Variants in MACROD2 observed in about 807,000 individuals in gnomAD.
MACROD2 encodes ADP-ribose glycohydrolase MACROD2.
In MACROD2, 36 loss-of-function variants were observed where a neutral mutation model predicts 70.4. The observed-to-expected ratio is 0.51, with a 90% CI of 0.39 to 0.68. MACROD2 has a LOEUF of 0.68. MACROD2 is among the 30% of genes least tolerant of loss of function. MACROD2 has a pLI of 0.00. For synonymous variants in MACROD2, 172 were observed against 178.8 expected, an observed-to-expected ratio of 0.96 and a Z score of 0.30; for missense variants, 496 against 538.4, an observed-to-expected ratio of 0.92 and a Z score of 0.78.
chr20:14,443,299 C>CT (rs34612697), intron 3 of MACROD2, among the ~76,000 whole-genome samples: 4,127 of 136,030 alleles, frequency 0.03, 182 homozygotes, highest in African/African-American at 0.094. Context: ...ATTACCTATG[C>CT]TTTTTTTTTT....
chr20:15,458,176 A>G (rs1475053765), intron 7 of MACROD2, among the ~76,000 whole-genome samples: 1 of 152,170 alleles, frequency 6.6e-6, no homozygotes, highest in African/African-American at 2.4e-5. Flanking sequence ...AGCATTTCCA[A>G]AGATGTTTTG....
chr20:14,668,777 TC>T (rs951705220), intron 4 of MACROD2, among the ~76,000 whole-genome samples: 3 of 152,168 alleles, frequency 2.0e-5, no homozygotes, highest in African/African-American at 7.2e-5. Context: ...GAGTTTTTTT[TC>T]ATGCACATTT....
In MACROD2 at chr20:15,407,582, G is replaced by A. The variant is rs529215448; in HGVS notation, c.541-23823G>A. ...GGTGGGTAGAGAGGCAGCCTAGCACGGTGCTTAAGAGGACATGCTCTAGAG... is the reference window on the plus strand; with the variant it reads ...GGTGGGTAGAGAGGCAGCCTAGCACAGTGCTTAAGAGGACATGCTCTAGAG... On this transcript the variant is annotated intron_variant, in intron 6 of 17. Transcript: ENST00000684519. 1.1e-4 allele frequency among the ~76,000 whole-genome samples: 16 copies of A among 152,228 alleles called. No individual in the cohort carries two copies. The East Asian group carries it at 1.4e-3, about 13-fold the overall frequency.
At chr20:15,234,300 G>C (rs895453685) in intron 6 of MACROD2, among the ~76,000 whole-genome samples, 1 of 150,984 alleles carries the variant, frequency 6.6e-6, no homozygotes, top group Admixed American at 6.6e-5. Context: ...CCAAAGTGCT[G>C]GGATTACAAG....
chr20:15,063,695 C>T (rs888516388), intron 5 of MACROD2, among the ~76,000 whole-genome samples: 2 of 152,124 alleles, frequency 1.3e-5, no homozygotes, highest in Non-Finnish European at 2.9e-5. Context: ...TGTGTATACT[C>T]ACCATGTGTG....
chr20:15,414,112 C>G (rs931203076), intron 6 of MACROD2, among the ~76,000 whole-genome samples: 21 of 152,102 alleles, frequency 1.4e-4, no homozygotes, highest in African/African-American at 5.1e-4. Flanking sequence ...AAGTGCATTT[C>G]TTTCACTTTT....
At chr20:14,862,138 A>ATATATTATACATAAATATATAAATG in intron 5 of MACROD2, among the ~76,000 whole-genome samples, 2 of 43,920 alleles carry the variant, frequency 4.6e-5, no homozygotes, top group African/African-American at 8.9e-5. Flanking sequence ...ATATATAAAT[A>ATATATTATACATAAATATATAAATG]TATATTATAC....
Position 15,501,850 on chromosome 20 carries a change from C to T in MACROD2, c.645+2003C>T, listed in dbSNP as rs541165174. Among the ~76,000 whole-genome samples, 5 of 152,022 alleles carry T rather than the reference C, an allele frequency of 3.3e-5. No homozygotes were observed. The South Asian group carries it at 6.2e-4, about 19-fold the overall frequency. On this transcript the variant is annotated intron_variant, in intron 8 of 17. Coordinates refer to ENST00000684519, the MANE Select transcript of MACROD2 (RefSeq NM_001351661.2). ...TAGCAGTATTTTGATTTATTTTTTC[C>T]TCTGTTAAAACAAACAACAGACTAG...
intron 5 of MACROD2, among the ~76,000 whole-genome samples, chr20:14,836,612 TC>T (rs776459555): frequency 1.3e-5 from 2 of 152,052 alleles, no homozygotes; most frequent in Non-Finnish European, 2.9e-5. Context: ...ATGAATGTTA[TC>T]CATAGGTTGC....
intron 6 of MACROD2, among the ~76,000 whole-genome samples, chr20:15,412,239 G>A (rs1038891497): frequency 6.6e-6 from 1 of 152,110 alleles, no homozygotes; most frequent in Non-Finnish European, 1.5e-5. Context: ...TGAGACACAT[G>A]AGGATCTGTG....
intron 15 of MACROD2, among the ~76,000 whole-genome samples, chr20:16,039,528 AT>A (rs1157812203): frequency 6.6e-6 from 1 of 151,682 alleles, no homozygotes; most frequent in Non-Finnish European, 1.5e-5. Flanking sequence ...TTCTTTTGGT[AT>A]TTTTTCCATT....
intron 3 of MACROD2, among the ~76,000 whole-genome samples, chr20:14,191,676 C>T (rs542527081): frequency 2.0e-4 from 30 of 152,298 alleles, no homozygotes; most frequent in Admixed American, 1.8e-3. Flanking sequence ...GGCACTTGAG[C>T]AGGGACCTGG....
At chr20:15,972,564 C>T (rs186312775) in intron 13 of MACROD2, among the ~76,000 whole-genome samples, 1 of 152,294 alleles carries the variant, frequency 6.6e-6, no homozygotes, top group Non-Finnish European at 1.5e-5. Context: ...AATCCCAGCA[C>T]TTTGGAAGGC....
intron 5 of MACROD2, among the ~76,000 whole-genome samples, chr20:14,689,523 G>A (rs1247777149): frequency 6.6e-6 from 1 of 152,182 alleles, no homozygotes; most frequent in Non-Finnish European, 1.5e-5. Flanking sequence ...AGACTCATTA[G>A]CCTGATTACC....
intron 4 of MACROD2, among the ~76,000 whole-genome samples, chr20:14,626,560 G>A (rs1253675018): frequency 1.3e-5 from 2 of 152,016 alleles, no homozygotes; most frequent in African/African-American, 4.8e-5. Flanking sequence ...TAGAATTCCT[G>A]GTTCTAACAC....
chr20:14,338,777 A>C (rs2082980388), intron 3 of MACROD2, among the ~76,000 whole-genome samples: 1 of 152,142 alleles, frequency 6.6e-6, no homozygotes. Flanking sequence ...GGAGATTATA[A>C]ATTTCTATGC....
At position 15,118,196 on chromosome 20, in the gene MACROD2, A is replaced by AT. The variant is rs35217480; in HGVS notation, c.419-111729dup. Among the ~76,000 whole-genome samples, 191 of 146,104 alleles carry AT rather than the reference A, an allele frequency of 1.3e-3. 1 individual carries two copies. Among genetic ancestry groups the AT allele is most frequent in the African/African-American group, 3.0e-3 (118 of 39,986 alleles). ...TAAAGTGAGCTTTTTTTAATTTTAA[A>AT]TTTTTTTTTTTTTTTGAGCCAGGGT... On this transcript the variant is annotated intron_variant, in intron 5 of 17. Transcript: ENST00000684519.
chr20:14,193,879 G>A (rs1039756549), intron 3 of MACROD2, among the ~76,000 whole-genome samples: 1 of 152,102 alleles, frequency 6.6e-6, no homozygotes, highest in Non-Finnish European at 1.5e-5. Flanking sequence ...AAAATAATGA[G>A]CACAGAAAAC....
At chr20:15,199,281 T>C (rs1316844935) in intron 5 of MACROD2, among the ~76,000 whole-genome samples, 1 of 152,034 alleles carries the variant, frequency 6.6e-6, no homozygotes, top group African/African-American at 2.4e-5. Context: ...ACTCTGAGCC[T>C]GGGAGGTCGA....
Sources: allele counts gnomAD v4.1 joint callset (sites outside exome capture counted in the v4.1 genomes callset), GRCh38; gene constraint gnomAD v4.1.1; transcripts MANE v1.5; gene names NCBI Gene and HGNC (gene_info 2026-07-23, HGNC 2026-07-21).